The following SHISA7 variants were observed in gnomAD, a reference collection of about 807,000 sequenced individuals.
SHISA7 encodes the protein shisa family member 7, also known as protein shisa-7.
In SHISA7, 6 loss-of-function variants were observed where a neutral mutation model predicts 23.9. That is an observed-to-expected ratio of 0.25 (90% confidence interval 0.14 to 0.50). The LOEUF is 0.50. Among genes scored for constraint, SHISA7 ranks in the 20% least tolerant of loss-of-function variants. The pLI is 0.98. For synonymous variants in SHISA7, 386 were observed against 398.3 expected (o/e 0.97, Z 0.37); for missense variants, 671 against 801.1 (o/e 0.84, Z 1.96).
chr19:55,429,106 C>G lies in SHISA7; in HGVS notation c.*4050G>C, dbSNP rs563766542. ...CACACCTGCTCCCACCCCTCAAGAC[C>G]TCTCTCCTCTATGGCTTATTTGAGA... On this transcript the variant is annotated 3_prime_UTR_variant, in exon 4 of 4. Coordinates refer to ENST00000376325, the MANE Select transcript of SHISA7 (RefSeq NM_001145176.2). The G allele has an allele frequency of 2.0e-5, 3 of 152,350 alleles. No individual in the cohort carries two copies. Among genetic ancestry groups the G allele is most frequent in the Admixed American group, 1.3e-4 (2 of 15,292 alleles). 9.4% of individuals were successfully genotyped at this position (152,350 alleles called of 1,614,324 possible).
intron 3 of SHISA7, among the ~76,000 whole-genome samples, chr19:55,435,956 G>A (rs1011782136): frequency 2.4e-5 from 1 of 42,290 alleles, no homozygotes; most frequent in Non-Finnish European, 4.6e-5. Flanking sequence ...ATATACACAT[G>A]TGTGTGTGTG....
Position 55,442,643 on chromosome 19 carries a change from CG to C in SHISA7, c.220del (p.Arg74GlyfsTer70). The C allele has an allele frequency of 7.5e-7, 1 of 1,339,150 alleles. No individual in the cohort carries two copies. The highest frequency in any genetic ancestry group is 9.7e-7 in the Non-Finnish European group (1 of 1,030,914). 83.0% of individuals were successfully genotyped at this position (1,339,150 alleles called of 1,614,324 possible). ...GPAGGAGAAARAPPPAELCHG... is the reference protein window; with the variant it reads ...GPAGGAGAAAXAPPPAELCHG... ...GCAGAGCTCGGCGGGAGGGGGCGCC[CG>C]GGCCGCCGCGCCCGCCCCGCCCGCG... On this transcript the variant is annotated frameshift_variant, in exon 1 of 4. Coordinates refer to ENST00000376325, the MANE Select transcript of SHISA7 (RefSeq NM_001145176.2). LOFTEE classifies it high-confidence loss of function.
chr19:55,437,562 G>A, intron 3 of SHISA7, 43 bp downstream of exon 3: 1 of 1,536,794 alleles, frequency 6.5e-7, no homozygotes, highest in South Asian at 1.2e-5. Context: ...CTCTGGCCCC[G>A]CCCCCTCCCC....
intron 3 of SHISA7, among the ~76,000 whole-genome samples, chr19:55,435,042 TGTGTGTGTGGTGTGTGTGTAGTGTGTATG>T (rs1223407319): frequency 3.9e-4 from 34 of 86,580 alleles, no homozygotes; most frequent in African/African-American, 1.5e-3. Context: ...GGCTGTGTGG[TGTGTGTGTGGTGTGTGTGTAGTGTGTATG>T]GTGTGTGTGG....
In SHISA7 at chr19:55,429,737, G is replaced by C. The variant is rs1985128917; in HGVS notation, c.*3419C>G. 1 of 152,174 alleles carries C rather than the reference G, an allele frequency of 6.6e-6. No homozygotes were observed. Among genetic ancestry groups the C allele is most frequent in the African/African-American group, 2.4e-5 (1 of 41,404 alleles). The allele number at this position is 152,174 out of a possible 1,614,324, so 9.4% of individuals were successfully genotyped here. ...GTACAAAGAGAATTGAGGGAAGATT[G>C]TGCATTGGGTGCTGGGGACTTCCTG... is the stretch of plus-strand genomic sequence containing the variant. On this transcript the variant is annotated 3_prime_UTR_variant, in exon 4 of 4. Coordinates refer to ENST00000376325, the MANE Select transcript of SHISA7 (RefSeq NM_001145176.2).
Position 55,437,669 on chromosome 19 carries a change from C to T in SHISA7, c.912G>A (p.Leu304=), listed in dbSNP as rs1985497147. The T allele has an allele frequency of 6.4e-7, 1 of 1,551,538 alleles. No homozygotes were observed. The highest frequency in any genetic ancestry group is 8.7e-7 in the Non-Finnish European group (1 of 1,146,946). The part of the protein sequence containing the change: ...CSRSFHNLSH[L]PPSYEAAVKS... ...TCACGGCAGCCTCGTAGGACGGGGG[C>T]AGATGCGAGAGGTTGTGGAAGGACC... The change falls in exon 3 of 4, where the codon CTG becomes CTA. Residue 304 remains leucine (L), a synonymous_variant. Transcript: ENST00000376325.
rs28569041 is a variant in SHISA7, at chr19:55,433,449, T to C, written c.1324A>G (p.Thr442Ala). Residue 442 changes from threonine (T) to alanine (A), a missense_variant, in exon 4 of 4, where the codon ACC becomes GCC. By Grantham distance (58) the Thr-to-Ala change is moderately conservative. This residue lies in a region of SHISA7 where 457 missense variants were observed against 488.3 expected (regional missense o/e 0.94). Transcript: ENST00000376325. The surrounding 1 kb of genome is among the most constrained non-coding windows in gnomAD (Gnocchi z 8.4). ...PRSPALPPDP[T>A]ARASLAASHS... Reference sequence around the variant, plus strand: ...GAGGCGGCCAGGCTGGCCCGGGCGGTGGGGTCGGGGGGCAGCGCGGGGCTG... The same window carrying C: ...GAGGCGGCCAGGCTGGCCCGGGCGGCGGGGTCGGGGGGCAGCGCGGGGCTG... 1 of 1,337,720 alleles carries C rather than the reference T, an allele frequency of 7.5e-7. No homozygotes were observed. The highest frequency in any genetic ancestry group is 9.5e-7 in the Non-Finnish European group (1 of 1,052,390). 82.9% of individuals were successfully genotyped at this position (1,337,720 alleles called of 1,614,324 possible). A position where few individuals can be genotyped will look rare whatever the true frequency, so the allele number is the denominator to read the frequency against.
intron 3 of SHISA7, among the ~76,000 whole-genome samples, chr19:55,437,289 C>T (rs1985487391): frequency 6.6e-6 from 1 of 152,150 alleles, no homozygotes; most frequent in Non-Finnish European, 1.5e-5. Flanking sequence ...AATCTGGTGA[C>T]CTGTAGATTT....
intron 3 of SHISA7, 48 bp downstream of exon 3, chr19:55,437,557 G>C (rs1455446293): frequency 6.5e-7 from 1 of 1,536,778 alleles, no homozygotes; most frequent in Non-Finnish European, 8.8e-7. Flanking sequence ...CCAGGCTCTG[G>C]CCCCGCCCCC....
chr19:55,438,438 T>G, intron 2 of SHISA7: 2 of 852,552 alleles, frequency 2.3e-6, no homozygotes, highest in African/African-American at 1.8e-5. Context: ...ATGAGCGCCA[T>G]GAGGACTGGG....
Position 55,442,848 on chromosome 19 carries a change from G to C in SHISA7, c.16C>G (p.Leu6Val), listed in dbSNP as rs1380142745. 7.2e-6 allele frequency: 10 copies of C among 1,391,054 alleles called. No individual in the cohort carries two copies. The highest frequency in any genetic ancestry group is 7.4e-6 in the Non-Finnish European group (8 of 1,074,820). 86.2% of individuals were successfully genotyped at this position (1,391,054 alleles called of 1,614,324 possible). A position where few individuals can be genotyped will look rare whatever the true frequency, so the allele number is the denominator to read the frequency against. ...GCGCTAGAGGCCAGGAGTACGAGGA[G>C]CAGGAGGGCCGGCATGGGGCTTGCA... is the stretch of plus-strand genomic sequence containing the variant. MPALL[L>V]LVLLASSAGQ... Residue 6 changes from leucine to valine, a missense_variant, in exon 1 of 4, where the codon CTC (leucine) becomes GTC (valine). Physicochemically the swap from Leu to Val is conservative, Grantham distance 32 (BLOSUM62 1). Coordinates refer to ENST00000376325, the MANE Select transcript of SHISA7 (RefSeq NM_001145176.2).
chr19:55,437,795 C>T, intron 2 of SHISA7, 41 bp from the exon 3 acceptor site: 1 of 1,529,078 alleles, frequency 6.5e-7, no homozygotes, highest in Non-Finnish European at 8.8e-7. Flanking sequence ...TCAGCTTCCT[C>T]CCTCAGACCC....
chr19:55,437,441 C>G (rs555560538), intron 3 of SHISA7, among the ~76,000 whole-genome samples, 164 bp downstream of exon 3: 1 of 152,252 alleles, frequency 6.6e-6, no homozygotes, highest in East Asian at 1.9e-4. Flanking sequence ...AGAAGTGATT[C>G]TGATACAAAA....
At chr19:55,437,810 G>C in intron 2 of SHISA7, 56 bp from the exon 3 acceptor site, 1 of 1,511,192 alleles carries the variant, frequency 6.6e-7, no homozygotes, top group Non-Finnish European at 8.9e-7. Context: ...AGACCCAGGA[G>C]TCCAGGCCCC....
Position 55,442,365 on chromosome 19 carries a change from C to A in SHISA7, c.499G>T (p.Gly167Trp). The A allele has an allele frequency of 7.1e-7, 1 of 1,414,554 alleles. No individual in the cohort carries two copies. Among genetic ancestry groups the A allele is most frequent in the South Asian group, 1.5e-5 (1 of 68,102 alleles). 87.6% of individuals were successfully genotyped at this position (1,414,554 alleles called of 1,614,324 possible). A position where few individuals can be genotyped will look rare whatever the true frequency, so the allele number is the denominator to read the frequency against. ...PGPGQAGWLE[G>W]GRTGGAGGRG... ...CCCCCGGCACCCCCAGTCCGGCCCC[C>A]TTCCAACCACCCGGCCTGGCCGGGC... Residue 167 changes from glycine to tryptophan, a missense_variant, in exon 1 of 4, where the codon GGG becomes TGG. Physicochemically the swap from Gly to Trp is radical, Grantham distance 184. Coordinates refer to ENST00000376325, the MANE Select transcript of SHISA7 (RefSeq NM_001145176.2).
chr19:55,433,243 C>T lies in SHISA7; in HGVS notation c.1530G>A (p.Gln510=). The T allele has an allele frequency of 1.3e-6, 2 of 1,523,282 alleles. No homozygotes were observed. The highest frequency in any genetic ancestry group is 1.4e-5 in the African/African-American group (1 of 70,312). 94.4% of individuals were successfully genotyped at this position (1,523,282 alleles called of 1,614,324 possible). A position where few individuals can be genotyped will look rare whatever the true frequency, so the allele number is the denominator to read the frequency against. Residue 510 remains glutamine, a synonymous_variant, in exon 4 of 4, where the codon CAG becomes CAA. Transcript: ENST00000376325. The surrounding 1 kb of genome is among the most constrained non-coding windows in gnomAD (Gnocchi z 8.4). ...TGAACTGCAGCTGCTCCAGCGTGCC[C>T]TGGCGCTGGAAGGGCGGCCTGCGGG... is the stretch of plus-strand genomic sequence containing the variant. ...TLARRPPFQR[Q]GTLEQLQFIP... is the part of the protein sequence containing the mutation.
At chr19:55,434,017 A>G (rs1985287982) in intron 3 of SHISA7, among the ~76,000 whole-genome samples, 1 of 151,384 alleles carries the variant, frequency 6.6e-6, no homozygotes, top group Non-Finnish European at 1.5e-5. Context: ...CGCGCCGCCT[A>G]TCCCTTCTTT....
chr19:55,440,925 T>C (rs1481569487), intron 1 of SHISA7, among the ~76,000 whole-genome samples, 160 bp from the exon 2 acceptor site: 1 of 152,046 alleles, frequency 6.6e-6, no homozygotes, highest in Admixed American at 6.6e-5. Context: ...CCACGCCCCC[T>C]AGAATGACCC....
Position 55,442,890 on chromosome 19 carries a change from C to T in SHISA7, c.-27G>A, listed in dbSNP as rs1985630181. On this transcript the variant is annotated 5_prime_UTR_variant, in exon 1 of 4. Transcript: ENST00000376325. ...GGGCTTGCAGGGGGTCGCACTGGGC[C>T]GCCAGGCTGCGGGGAGAACGAGAGC... The T allele has an allele frequency of 3.1e-6, 4 of 1,280,706 alleles. No individual in the cohort carries two copies. The highest frequency in any genetic ancestry group is 3.9e-6 in the Non-Finnish European group (4 of 1,014,024). 79.3% of individuals were successfully genotyped at this position (1,280,706 alleles called of 1,614,324 possible).
Sources: gnomAD v4.1 joint callset for allele counts (sites outside exome capture counted in the v4.1 genomes callset) on GRCh38, gnomAD v4.1.1 for gene constraint, gnomAD v4.1.1 regional missense constraint, Gnocchi (gnomAD v3.1) non-coding constraint, MANE v1.5 for transcripts, NCBI Gene and HGNC (gene_info 2026-07-23, HGNC 2026-07-21) for gene names.